The following ASTN2 variants were observed in gnomAD, a reference collection of about 807,000 sequenced individuals.
ASTN2 encodes the protein astrotactin 2.
Under a neutral mutation model 139.8 loss-of-function variants are expected in ASTN2, and 54 were observed. The ratio of observed to expected loss-of-function variants is 0.39; its 90% CI spans 0.31 to 0.48. The LOEUF is 0.48. ASTN2 is among the 20% of genes least tolerant of loss of function. The probability of loss-of-function intolerance (pLI) is 0.95; values close to 1 mark genes in which losing one functional copy is unlikely to be tolerated. For synonymous variants in ASTN2, 756 were observed against 719.5 expected (o/e 1.05, Z -0.81); for missense variants, 1,565 against 1,725.1 (o/e 0.91, Z 1.64).
chr9:117,264,806 A>G (rs569041968), intron 2 of ASTN2, among the ~76,000 whole-genome samples: 3 of 152,364 alleles, frequency 2.0e-5, no homozygotes, highest in African/African-American at 7.2e-5. Flanking sequence ...GGGACCTGGT[A>G]GGTGGGAAGT....
chr9:116,586,817 CACACACACATACAT>C (rs1465146243), intron 19 of ASTN2, among the ~76,000 whole-genome samples: 6 of 80,488 alleles, frequency 7.5e-5, no homozygotes, highest in East Asian at 3.1e-4. Context: ...GAAATTCACA[CACACACACATACAT>C]ACACACACAC....
intron 6 of ASTN2, among the ~76,000 whole-genome samples, chr9:117,020,002 CTGTG>C (rs57575432): frequency 0.06 from 8,481 of 140,778 alleles, 323 homozygotes; most frequent in African/African-American, 0.13. Context: ...TTCAGGGTTT[CTGTG>C]TGTGTGTGTG....
At chr9:116,498,987 T>C (rs932907758) in intron 19 of ASTN2, among the ~76,000 whole-genome samples, 1 of 152,192 alleles carries the variant, frequency 6.6e-6, no homozygotes, top group Non-Finnish European at 1.5e-5. Context: ...TCCATAACTC[T>C]TCCCTAGTTC....
intron 16 of ASTN2, among the ~76,000 whole-genome samples, chr9:116,718,974 A>ATATATATATATATATATATATATG (rs1564230166): frequency 4.5e-5 from 4 of 88,108 alleles, no homozygotes; most frequent in African/African-American, 2.4e-4. Context: ...CTGTATCTGT[A>ATATATATATATATATATATATATG]CATATATATA....
At chr9:117,008,961 C>T (rs1837437009) in intron 6 of ASTN2, among the ~76,000 whole-genome samples, 1 of 151,942 alleles carries the variant, frequency 6.6e-6, no homozygotes, top group Admixed American at 6.6e-5. Context: ...CAAAGAAATC[C>T]CCAGCACCTC....
chr9:117,236,958 T>C (rs1833062796), intron 2 of ASTN2, among the ~76,000 whole-genome samples: 1 of 152,164 alleles, frequency 6.6e-6, no homozygotes, highest in South Asian at 2.1e-4. Context: ...GGATAGTTGT[T>C]ATTTTGTGTT....
At chr9:116,776,311 C>A (rs1830087878) in intron 13 of ASTN2, among the ~76,000 whole-genome samples, 1 of 152,176 alleles carries the variant, frequency 6.6e-6, no homozygotes, top group Non-Finnish European at 1.5e-5. Context: ...GAATTCCCAC[C>A]AAGCATAGTG....
At chr9:117,002,191 C>T (rs1355854858) in intron 7 of ASTN2, among the ~76,000 whole-genome samples, 1 of 152,166 alleles carries the variant, frequency 6.6e-6, no homozygotes, top group Non-Finnish European at 1.5e-5. Flanking sequence ...AAGGAGTTGA[C>T]TTTCTAGCAG....
At chr9:117,401,717 C>T (rs931579614) in intron 1 of ASTN2, among the ~76,000 whole-genome samples, 2 of 152,150 alleles carry the variant, frequency 1.3e-5, no homozygotes, top group African/African-American at 2.4e-5. Context: ...TAAGCAGCCA[C>T]AGGCAACACA....
At chr9:116,769,997 C>G (rs1464057267) in intron 13 of ASTN2, among the ~76,000 whole-genome samples, 2 of 151,482 alleles carry the variant, frequency 1.3e-5, no homozygotes, top group African/African-American at 2.4e-5. Flanking sequence ...TGCACTCCAA[C>G]CTGGGAAACA....
chr9:116,934,788 A>G (rs1053095067), intron 10 of ASTN2, among the ~76,000 whole-genome samples: 21 of 152,318 alleles, frequency 1.4e-4, no homozygotes, highest in Admixed American at 8.5e-4. Context: ...ATGGCTTTTG[A>G]ATTCATTTAG....
chr9:116,570,408 A>C (rs1226405582), intron 19 of ASTN2, among the ~76,000 whole-genome samples: 1 of 148,830 alleles, frequency 6.7e-6, no homozygotes, highest in African/African-American at 2.5e-5. Flanking sequence ...TTTTTTTTTG[A>C]GACAGAATCT....
intron 3 of ASTN2, among the ~76,000 whole-genome samples, chr9:117,154,131 G>A (rs894763279): frequency 6.6e-6 from 1 of 152,018 alleles, no homozygotes; most frequent in African/African-American, 2.4e-5. Flanking sequence ...TGGCAGGGAT[G>A]TTAGAGCAAA....
chr9:116,661,650 A>G (rs16933801), intron 16 of ASTN2, among the ~76,000 whole-genome samples: 345 of 152,250 alleles, frequency 2.3e-3, no homozygotes, highest in African/African-American at 7.8e-3. Context: ...GTAAGAGAAA[A>G]AATTCCAAGG....
intron 19 of ASTN2, among the ~76,000 whole-genome samples, chr9:116,608,545 G>C (rs920359167): frequency 1.3e-5 from 2 of 152,192 alleles, no homozygotes; most frequent in African/African-American, 2.4e-5. Context: ...CTGTGCAAAA[G>C]AGTTCAAAAT....
intron 2 of ASTN2, among the ~76,000 whole-genome samples, chr9:117,282,140 T>C (rs1220835054): frequency 6.6e-6 from 1 of 152,198 alleles, no homozygotes; most frequent in African/African-American, 2.4e-5. Flanking sequence ...TATTTTTCTA[T>C]GTCTCTCCCA....
chr9:116,668,348 C>T (rs958015175), intron 16 of ASTN2, among the ~76,000 whole-genome samples: 6 of 152,126 alleles, frequency 3.9e-5, no homozygotes, highest in Admixed American at 6.6e-5. Context: ...CCCGCCATCA[C>T]GCCCGGCTAA....
At chr9:116,858,641 A>G in intron 11 of ASTN2, among the ~76,000 whole-genome samples, 1 of 152,202 alleles carries the variant, frequency 6.6e-6, no homozygotes, top group Non-Finnish European at 1.5e-5. Context: ...TCAGATTTAT[A>G]ACATTTCTAA....
intron 12 of ASTN2, among the ~76,000 whole-genome samples, chr9:116,813,852 T>C (rs1441396449): frequency 1.3e-5 from 2 of 151,958 alleles, no homozygotes; most frequent in African/African-American, 4.8e-5. Flanking sequence ...CTGGTCAACA[T>C]GGCGAAACCC....
Sources: gnomAD v4.1 joint callset for allele counts (sites outside exome capture counted in the v4.1 genomes callset) on GRCh38, gnomAD v4.1.1 for gene constraint, MANE v1.5 for transcripts, NCBI Gene and HGNC (gene_info 2026-07-23, HGNC 2026-07-21) for gene names.